Variants in HS3ST4 observed in about 807,000 individuals in gnomAD.
HS3ST4 encodes heparan sulfate-glucosamine 3-sulfotransferase 4, also known as heparan sulfate glucosamine 3-O-sulfotransferase 4.
HS3ST4 carries 17 observed loss-of-function variants against 29.2 expected under a neutral mutation model. The observed-to-expected ratio is 0.58, with a 90% CI of 0.40 to 0.87. The LOEUF is 0.87. HS3ST4 is among the 40% of genes least tolerant of loss of function. The pLI is 0.00. For missense variants in HS3ST4, 627 were observed against 634.5 expected, an observed-to-expected ratio of 0.99 and a Z score of 0.13; for synonymous variants, 314 against 285.7, an observed-to-expected ratio of 1.10 and a Z score of -1.00.
intron 1 of HS3ST4, among the ~76,000 whole-genome samples, chr16:25,729,113 A>G (rs1321600966): frequency 6.6e-6 from 1 of 152,072 alleles, no homozygotes; most frequent in Non-Finnish European, 1.5e-5. Flanking sequence ...AGAGAAAAAA[A>G]ATAGTAATTT....
intron 1 of HS3ST4, among the ~76,000 whole-genome samples, chr16:25,957,971 C>G (rs116877099): frequency 0.032 from 4,829 of 152,172 alleles, 139 homozygotes; most frequent in Non-Finnish European, 0.047. Flanking sequence ...ACACTACTCT[C>G]CAGCCAGGAA....
At chr16:25,821,318 C>T (rs1179741527) in intron 1 of HS3ST4, among the ~76,000 whole-genome samples, 1 of 152,094 alleles carries the variant, frequency 6.6e-6, no homozygotes, top group Non-Finnish European at 1.5e-5. Context: ...TGGCCTCCCG[C>T]ACCTTTGAAT....
intron 1 of HS3ST4, among the ~76,000 whole-genome samples, chr16:25,738,399 TC>T (rs1966626753): frequency 6.6e-6 from 1 of 152,204 alleles, no homozygotes; most frequent in African/African-American, 2.4e-5. Flanking sequence ...CAATCTTGTT[TC>T]TAACTGAGGG....
chr16:25,708,091 C>T (rs1039755282), intron 1 of HS3ST4, among the ~76,000 whole-genome samples: 9 of 152,094 alleles, frequency 5.9e-5, no homozygotes, highest in African/African-American at 2.2e-4. Context: ...GATCCGGTAC[C>T]ACAAAATGAC....
intron 1 of HS3ST4, among the ~76,000 whole-genome samples, chr16:26,098,834 T>C (rs1366685326): frequency 1.8e-4 from 27 of 151,810 alleles, no homozygotes; most frequent in Admixed American, 1.8e-3. Context: ...GATTGATGGA[T>C]AGAGGAAAGA....
chr16:25,899,671 ATT>A (rs561490560), intron 1 of HS3ST4, among the ~76,000 whole-genome samples: 1 of 142,914 alleles, frequency 7.0e-6, no homozygotes. Context: ...ACGCTCAGCT[ATT>A]TTTTTTTTTT....
chr16:25,811,776 A>G (rs1477132583), intron 1 of HS3ST4, among the ~76,000 whole-genome samples: 1 of 152,190 alleles, frequency 6.6e-6, no homozygotes, highest in Non-Finnish European at 1.5e-5. Context: ...GTAAGAATAC[A>G]ATATATAATA....
chr16:25,696,919 A>T (rs1237785804), intron 1 of HS3ST4, among the ~76,000 whole-genome samples: 1 of 152,128 alleles, frequency 6.6e-6, no homozygotes, highest in Non-Finnish European at 1.5e-5. Flanking sequence ...ATATGCTGAG[A>T]TATGTAGCAG....
intron 1 of HS3ST4, among the ~76,000 whole-genome samples, chr16:25,986,564 G>A (rs944299037): frequency 5.3e-5 from 8 of 152,176 alleles, no homozygotes; most frequent in South Asian, 2.1e-4. Flanking sequence ...AGCAGCCCTC[G>A]TTGACTTTGC....
intron 1 of HS3ST4, among the ~76,000 whole-genome samples, chr16:25,947,139 A>G (rs557051151): frequency 6.6e-6 from 1 of 152,296 alleles, no homozygotes; most frequent in South Asian, 2.1e-4. Context: ...TCTGATCGCA[A>G]TGTGGAAAAT....
At chr16:26,120,069 G>GTA (rs1401069259) in intron 1 of HS3ST4, among the ~76,000 whole-genome samples, 2 of 127,034 alleles carry the variant, frequency 1.6e-5, no homozygotes, top group Non-Finnish European at 3.5e-5. Flanking sequence ...GTGTGTGTGT[G>GTA]TATGTGTGTG....
At chr16:25,853,500 A>C (rs1025852452) in intron 1 of HS3ST4, among the ~76,000 whole-genome samples, 6 of 152,130 alleles carry the variant, frequency 3.9e-5, no homozygotes, top group African/African-American at 1.4e-4. Flanking sequence ...GGAAGGCTTT[A>C]AGCTTTTCAC....
chr16:26,004,231 G>A (rs1193360282), intron 1 of HS3ST4, among the ~76,000 whole-genome samples: 1 of 152,114 alleles, frequency 6.6e-6, no homozygotes, highest in Non-Finnish European at 1.5e-5. Flanking sequence ...CAGCAGTAAG[G>A]GGTGTTGGAT....
chr16:25,756,614 C>T (rs117433095), intron 1 of HS3ST4, among the ~76,000 whole-genome samples: 1,572 of 152,242 alleles, frequency 0.01, 21 homozygotes, highest in Non-Finnish European at 0.014. Context: ...GACCACAAAC[C>T]TTCCTGCAGA....
intron 1 of HS3ST4, among the ~76,000 whole-genome samples, chr16:26,014,973 AC>A (rs1244112363): frequency 2.6e-5 from 4 of 152,230 alleles, no homozygotes; most frequent in African/African-American, 4.8e-5. Flanking sequence ...TTGAATACAG[AC>A]CTTTTGCATA....
chr16:26,050,785 A>T (rs1177723837), intron 1 of HS3ST4, among the ~76,000 whole-genome samples: 2 of 152,184 alleles, frequency 1.3e-5, no homozygotes, highest in East Asian at 3.9e-4. Context: ...CAGTTGTGTG[A>T]AGGCATGCAT....
chr16:25,783,020 T>C (rs1480649426), intron 1 of HS3ST4, among the ~76,000 whole-genome samples: 1 of 152,190 alleles, frequency 6.6e-6, no homozygotes, highest in Non-Finnish European at 1.5e-5. Context: ...GAAAGTCTAA[T>C]CCACCCTCAT....
chr16:25,937,694 A>G (rs752219232), intron 1 of HS3ST4, among the ~76,000 whole-genome samples: 2 of 152,200 alleles, frequency 1.3e-5, no homozygotes, highest in African/African-American at 2.4e-5. Flanking sequence ...CTGGTTGACA[A>G]TGAGAAGCTT....
At chr16:26,058,161 G>A (rs954009151) in intron 1 of HS3ST4, among the ~76,000 whole-genome samples, 1 of 152,188 alleles carries the variant, frequency 6.6e-6, no homozygotes, top group African/African-American at 2.4e-5. Context: ...CTGTGGCTGT[G>A]TGATTCCTAG....
Sources: allele counts gnomAD v4.1 joint callset (sites outside exome capture counted in the v4.1 genomes callset), GRCh38; gene constraint gnomAD v4.1.1; transcripts MANE v1.5; gene names NCBI Gene and HGNC (gene_info 2026-07-23, HGNC 2026-07-21).